The following POR variants were observed in gnomAD, a reference collection of about 807,000 sequenced individuals.
POR encodes the protein NADPH--cytochrome P450 reductase.
Under a neutral mutation model 84.0 loss-of-function variants are expected in POR, and 56 were observed. The ratio of observed to expected loss-of-function variants is 0.67; its 90% CI spans 0.54 to 0.83. The LOEUF is 0.83. Ranked by LOEUF, POR falls within the 40% of genes least tolerant of loss-of-function variation. The pLI is 0.00. For missense variants in POR, 938 were observed against 944.3 expected (o/e 0.99, Z 0.09); for synonymous variants, 414 against 400.5 (o/e 1.03, Z -0.40).
chr7:75,943,868 G>C (rs782141699), intron 1 of POR: 2 of 509,662 alleles, frequency 3.9e-6, no homozygotes, highest in Non-Finnish European at 7.8e-6. Context: ...AAAGTCCAAA[G>C]GGCTGCGCGT....
chr7:75,972,589 C>T, intron 3 of POR, 128 bp downstream of exon 3: 2 of 890,848 alleles, frequency 2.2e-6, no homozygotes, highest in East Asian at 2.6e-5. Flanking sequence ...GGAACGCAGC[C>T]CGGCTCGCTT....
At position 75,981,833 on chromosome 7, in the gene POR, C is replaced by T. The variant is rs998211965; in HGVS notation, c.731+227C>T. The stretch of plus-strand genomic sequence containing the variant: ...ACCTCTCGACAAGGACACATCGCGT[C>T]GGGCTCTGTGGCTAGGTTCAACTTT... On this transcript the variant is annotated intron_variant, in intron 7 of 15. Transcript: ENST00000461988. The T allele has an allele frequency of 7.7e-5, 45 of 582,936 alleles. No homozygotes were observed. The East Asian group carries it at 1.2e-3, about 16-fold the overall frequency. 36.1% of individuals were successfully genotyped at this position (582,936 alleles called of 1,614,324 possible).
At chr7:75,979,400 G>A (rs986688212) in intron 3 of POR, 51 bp from the exon 4 acceptor site, 2 of 1,596,524 alleles carry the variant, frequency 1.3e-6, no homozygotes, top group Non-Finnish European at 8.5e-7. Context: ...GTTCACCGGA[G>A]CCGTGGCTGA....
intron 8 of POR, 124 bp downstream of exon 8, chr7:75,982,446 G>A: frequency 2.6e-6 from 2 of 779,724 alleles, no homozygotes; most frequent in Non-Finnish European, 4.2e-6. Context: ...TGCCCCGAGT[G>A]GGTGTGAGTG....
At chr7:75,934,410 T>C (rs1352221064) in intron 1 of POR, among the ~76,000 whole-genome samples, 3 of 152,036 alleles carry the variant, frequency 2.0e-5, no homozygotes, top group Non-Finnish European at 4.4e-5. Context: ...AAGTTGGAGT[T>C]TATATTTAAA....
chr7:75,962,500 TG>T (rs1787982446), intron 2 of POR, among the ~76,000 whole-genome samples: 1 of 152,208 alleles, frequency 6.6e-6, no homozygotes, highest in South Asian at 2.1e-4. Context: ...AGTCTCACTA[TG>T]TTGCCCAGGC....
chr7:75,966,002 G>A (rs1432062610), intron 2 of POR, among the ~76,000 whole-genome samples: 2 of 152,118 alleles, frequency 1.3e-5, no homozygotes, highest in African/African-American at 4.8e-5. Context: ...TGGGCCACTG[G>A]GCCCTGGAGC....
intron 2 of POR, among the ~76,000 whole-genome samples, chr7:75,971,809 A>C (rs1788455495): frequency 2.0e-5 from 3 of 152,084 alleles, no homozygotes; most frequent in African/African-American, 7.2e-5. Context: ...GATGGCGTGC[A>C]CAGGATTCTG....
chr7:75,936,656 G>A (rs987498250), intron 1 of POR, among the ~76,000 whole-genome samples: 10 of 151,878 alleles, frequency 6.6e-5, no homozygotes, highest in African/African-American at 2.4e-4. Flanking sequence ...TAACACATGC[G>A]TGTGTGGGCA....
chr7:75,919,810 G>A (rs1806764933), intron 1 of POR, among the ~76,000 whole-genome samples: 2 of 152,136 alleles, frequency 1.3e-5, no homozygotes, highest in Non-Finnish European at 2.9e-5. Flanking sequence ...AACTGTTGAT[G>A]TGGGAAGCTT....
At chr7:75,965,988 G>T (rs528242237) in intron 2 of POR, among the ~76,000 whole-genome samples, 1 of 152,288 alleles carries the variant, frequency 6.6e-6, no homozygotes, top group Non-Finnish European at 1.5e-5. Context: ...GGAACCCCGG[G>T]TGCTGGGCCA....
chr7:75,923,095 G>T (rs1276615674), intron 1 of POR: 4 of 737,476 alleles, frequency 5.4e-6, no homozygotes, highest in Non-Finnish European at 9.6e-6. Context: ...ACCTAAAAAT[G>T]CAGCGTATAG....
At chr7:75,981,964 T>TA in intron 7 of POR, 1 of 558,442 alleles carries the variant, frequency 1.8e-6, no homozygotes, top group Non-Finnish European at 3.2e-6. Context: ...CGGGCTTCCT[T>TA]ACCTTCTCCC....
intron 1 of POR, among the ~76,000 whole-genome samples, chr7:75,936,276 T>C: frequency 6.6e-6 from 1 of 151,278 alleles, no homozygotes; most frequent in African/African-American, 2.4e-5. Context: ...GATAATTTTT[T>C]TTTTTTTTTG....
intron 1 of POR, among the ~76,000 whole-genome samples, chr7:75,949,143 G>T (rs915224225): frequency 6.8e-6 from 1 of 147,648 alleles, no homozygotes; most frequent in Non-Finnish European, 1.5e-5. Flanking sequence ...GGGCTTTGTT[G>T]TTGTTGTTGT....
chr7:75,948,527 A>G (rs1266970251), intron 1 of POR, among the ~76,000 whole-genome samples: 3 of 152,192 alleles, frequency 2.0e-5, no homozygotes, highest in African/African-American at 7.2e-5. Context: ...AGAAGCTGTG[A>G]GTGCAGGTGT....
chr7:75,954,560 G>A (rs1423714842), intron 2 of POR, among the ~76,000 whole-genome samples: 4 of 151,926 alleles, frequency 2.6e-5, no homozygotes, highest in Admixed American at 6.6e-5. Context: ...TGGAGACATG[G>A]TCTCACTGTA....
chr7:75,934,677 C>G (rs1554550593), intron 1 of POR, among the ~76,000 whole-genome samples: 1 of 152,120 alleles, frequency 6.6e-6, no homozygotes, highest in Non-Finnish European at 1.5e-5. Context: ...TGGTTCAGGC[C>G]CAGTGCCAGG....
At position 75,985,207 on chromosome 7, in the gene POR, G is replaced by A; in HGVS notation, c.1398G>A (p.Lys466=). 6.3e-7 allele frequency: 1 copy of A among 1,587,304 alleles called. No homozygotes were observed. The highest frequency in any genetic ancestry group is 1.1e-5 in the South Asian group (1 of 90,192). ...ACTACTCCATCGCCTCATCCTCCAA[G>A]GTGAGGGCCGGCACTGCCCTGCCAG... The change falls in exon 12 of 16, where the codon AAG becomes AAA. Residue 466 remains lysine (K), a splice_region_variant and synonymous_variant. Transcript: ENST00000461988.
Sources: gnomAD v4.1 joint callset for allele counts (sites outside exome capture counted in the v4.1 genomes callset) on GRCh38, gnomAD v4.1.1 for gene constraint, MANE v1.5 for transcripts, NCBI Gene and HGNC (gene_info 2026-07-23, HGNC 2026-07-21) for gene names.